The following GRIA1 variants were observed in gnomAD, a reference collection of about 807,000 sequenced individuals.
The protein encoded by GRIA1 is glutamate receptor 1.
In GRIA1, 31 loss-of-function variants were observed where a neutral mutation model predicts 99.2. That is an observed-to-expected ratio of 0.31 (90% CI 0.23 to 0.42). GRIA1 has a LOEUF of 0.42. GRIA1 is among the 10% of genes least tolerant of loss of function. The probability of loss-of-function intolerance (pLI) is 1.00; values close to 1 mark genes in which losing one functional copy is unlikely to be tolerated. For synonymous variants in GRIA1, 438 were observed against 432.4 expected, an observed-to-expected ratio of 1.01 and a Z score of -0.16; for missense variants, 782 against 1,157.5, an observed-to-expected ratio of 0.68 and a Z score of 4.71.
At chr5:153,626,815 C>A (rs1422883) in intron 2 of GRIA1, among the ~76,000 whole-genome samples, 1 of 151,834 alleles carries the variant, frequency 6.6e-6, no homozygotes, top group Non-Finnish European at 1.5e-5. Flanking sequence ...AGGGATGCAG[C>A]GTGGTTAAAT....
chr5:153,705,520 C>A (rs1758824771), intron 10 of GRIA1, among the ~76,000 whole-genome samples, 177 bp from the exon 11 acceptor site: 1 of 152,060 alleles, frequency 6.6e-6, no homozygotes, highest in Non-Finnish European at 1.5e-5. Context: ...AGCTGACCAT[C>A]CATTCATCAA....
At chr5:153,720,993 G>A (rs545672236) in intron 11 of GRIA1, among the ~76,000 whole-genome samples, 9 of 152,280 alleles carry the variant, frequency 5.9e-5, no homozygotes, top group African/African-American at 2.2e-4. Context: ...GATGCAGATA[G>A]GAGAGATAGA....
intron 14 of GRIA1, among the ~76,000 whole-genome samples, chr5:153,796,231 A>G (rs1765638285): frequency 6.6e-6 from 1 of 152,056 alleles, no homozygotes; most frequent in African/African-American, 2.4e-5. Context: ...CAGGCTTTAG[A>G]GTTGAAAGAG....
intron 13 of GRIA1, among the ~76,000 whole-genome samples, chr5:153,780,376 G>T (rs1402501691): frequency 6.6e-6 from 1 of 152,214 alleles, no homozygotes; most frequent in African/African-American, 2.4e-5. Context: ...GTAGCAAGCT[G>T]CAGTATCACC....
At chr5:153,730,722 C>A (rs1005189442) in intron 11 of GRIA1, among the ~76,000 whole-genome samples, 3 of 152,058 alleles carry the variant, frequency 2.0e-5, no homozygotes, top group African/African-American at 7.2e-5. Flanking sequence ...GAAAGTAAAG[C>A]GGTAGATAAC....
chr5:153,699,522 G>A (rs541653624), intron 10 of GRIA1, among the ~76,000 whole-genome samples: 1 of 152,220 alleles, frequency 6.6e-6, no homozygotes, highest in Non-Finnish European at 1.5e-5. Flanking sequence ...TAATTACTCT[G>A]TTCCCTAGAG....
intron 2 of GRIA1, among the ~76,000 whole-genome samples, chr5:153,551,101 G>A (rs1477937535): frequency 6.6e-6 from 1 of 152,088 alleles, no homozygotes; most frequent in Non-Finnish European, 1.5e-5. Context: ...AGTCATGTAA[G>A]TGTTGATTAT....
At chr5:153,602,903 C>G (rs957109617) in intron 2 of GRIA1, among the ~76,000 whole-genome samples, 1 of 152,114 alleles carries the variant, frequency 6.6e-6, no homozygotes, top group African/African-American at 2.4e-5. Context: ...CCCTCGTGCC[C>G]TTTGTCTTCA....
intron 2 of GRIA1, among the ~76,000 whole-genome samples, chr5:153,624,053 A>G (rs1767333073): frequency 6.6e-6 from 1 of 152,222 alleles, no homozygotes; most frequent in Non-Finnish European, 1.5e-5. Context: ...GTGCTTGGAA[A>G]TGGCTTCTGG....
At chr5:153,609,464 A>G (rs1165548393) in intron 2 of GRIA1, among the ~76,000 whole-genome samples, 1 of 151,334 alleles carries the variant, frequency 6.6e-6, no homozygotes, top group Non-Finnish European at 1.5e-5. Flanking sequence ...CTCCCTTCAT[A>G]TGAGGAATAC....
At chr5:153,703,565 C>T (rs1488666339) in intron 10 of GRIA1, among the ~76,000 whole-genome samples, 5 of 151,890 alleles carry the variant, frequency 3.3e-5, no homozygotes, top group African/African-American at 2.4e-5. Context: ...GCCAACATGG[C>T]GAAACCTCTA....
chr5:153,783,771 T>C (rs922767909), intron 13 of GRIA1, among the ~76,000 whole-genome samples: 2 of 152,218 alleles, frequency 1.3e-5, no homozygotes, highest in Non-Finnish European at 2.9e-5. Context: ...GTGTGCAGGG[T>C]TCCTGCCAAT....
chr5:153,721,153 G>A (rs1057224733), intron 11 of GRIA1, among the ~76,000 whole-genome samples: 1 of 152,214 alleles, frequency 6.6e-6, no homozygotes, highest in Non-Finnish European at 1.5e-5. Context: ...AACTCAGACA[G>A]GGAAAAGGGA....
At chr5:153,802,292 T>C in intron 14 of GRIA1, 64 bp from the exon 15 acceptor site, 1 of 1,464,476 alleles carries the variant, frequency 6.8e-7, no homozygotes, top group Non-Finnish European at 9.6e-7. Context: ...GCTTGGATGG[T>C]CTTTAGCCTC....
chr5:153,693,604 T>C (rs1241656208), intron 8 of GRIA1, among the ~76,000 whole-genome samples: 1 of 152,182 alleles, frequency 6.6e-6, no homozygotes, highest in Admixed American at 6.5e-5. Flanking sequence ...AAAAATCTGA[T>C]CTGTCATCTA....
intron 2 of GRIA1, among the ~76,000 whole-genome samples, chr5:153,524,119 A>G (rs909717357): frequency 6.6e-6 from 1 of 152,196 alleles, no homozygotes; most frequent in Admixed American, 6.5e-5. Flanking sequence ...CAAGGTCAAG[A>G]CATAGAGATC....
intron 14 of GRIA1, among the ~76,000 whole-genome samples, 200 bp downstream of exon 14, chr5:153,794,935 CCA>C (rs767220430): frequency 4.6e-5 from 7 of 152,174 alleles, no homozygotes; most frequent in African/African-American, 7.2e-5. Flanking sequence ...TTCTGGTTTA[CCA>C]CAGTTTCCAG....
chr5:153,684,854 C>T (rs1184260663), intron 7 of GRIA1, among the ~76,000 whole-genome samples: 1 of 152,176 alleles, frequency 6.6e-6, no homozygotes, highest in East Asian at 1.9e-4. Flanking sequence ...AAGTAAAGAG[C>T]ATGTTGTAAA....
At chr5:153,678,444 C>T (rs1756744865) in intron 7 of GRIA1, among the ~76,000 whole-genome samples, 1 of 152,152 alleles carries the variant, frequency 6.6e-6, no homozygotes, top group Non-Finnish European at 1.5e-5. Context: ...GGAGGACCTC[C>T]AGCTGCCATT....
Sources: allele counts gnomAD v4.1 joint callset (sites outside exome capture counted in the v4.1 genomes callset), GRCh38; gene constraint gnomAD v4.1.1; transcripts MANE v1.5; gene names NCBI Gene and HGNC (gene_info 2026-07-23, HGNC 2026-07-21).